Variants in CFAP299 observed in about 807,000 individuals in gnomAD.
CFAP299 encodes cilia and flagella associated protein 299, also known as cilia- and flagella-associated protein 299.
In CFAP299, 21 loss-of-function variants were observed where a neutral mutation model predicts 27.0. The observed-to-expected ratio is 0.78, with a 90% CI of 0.55 to 1.12. The LOEUF (loss-of-function observed/expected upper bound fraction) is 1.12. Ranked by LOEUF, CFAP299 falls within the 50% of genes most tolerant of loss-of-function variation. The pLI, the probability that CFAP299 is intolerant of heterozygous loss-of-function variation, is 0.00. For synonymous variants in CFAP299, 104 were observed against 98.1 expected (o/e 1.06, Z -0.36); for missense variants, 310 against 276.6 (o/e 1.12, Z -0.86).
At chr4:80,326,884 C>T in the CFAP299 span, among the ~76,000 whole-genome samples, 2 of 152,050 alleles carry the variant, frequency 1.3e-5, no homozygotes, top group Non-Finnish European at 2.9e-5. Context: ...TAAAGACTAT[C>T]AAATGATTGT....
At chr4:80,551,521 C>G (rs530114112) in intron 2 of CFAP299, among the ~76,000 whole-genome samples, 9 of 152,142 alleles carry the variant, frequency 5.9e-5, no homozygotes, top group African/African-American at 2.2e-4. Flanking sequence ...ATTGTTATTT[C>G]TAATTCATAT....
intron 4 of CFAP299, among the ~76,000 whole-genome samples, chr4:80,917,972 A>C (rs1478817756): frequency 6.6e-6 from 1 of 152,210 alleles, no homozygotes; most frequent in East Asian, 1.9e-4. Flanking sequence ...GAAATGATAT[A>C]GTTACCTGTC....
intron 2 of CFAP299, among the ~76,000 whole-genome samples, chr4:80,397,416 T>C (rs879402610): frequency 3.3e-5 from 5 of 152,154 alleles, no homozygotes; most frequent in Admixed American, 6.6e-5. Flanking sequence ...TTTCTTGCCT[T>C]GTGCTAGCTT....
chr4:80,326,665 G>A, the CFAP299 span, among the ~76,000 whole-genome samples: 4 of 152,072 alleles, frequency 2.6e-5, no homozygotes, highest in African/African-American at 9.7e-5. Context: ...GAGGCACTAA[G>A]TGCTTTGTTA....
intron 3 of CFAP299, among the ~76,000 whole-genome samples, chr4:80,645,233 T>G (rs1463992715): frequency 6.6e-6 from 1 of 152,152 alleles, no homozygotes; most frequent in African/African-American, 2.4e-5. Flanking sequence ...AGTAACTCCC[T>G]CTTTCTCATC....
At chr4:80,836,727 G>A (rs1220241267) in intron 3 of CFAP299, among the ~76,000 whole-genome samples, 1 of 152,082 alleles carries the variant, frequency 6.6e-6, no homozygotes, top group Non-Finnish European at 1.5e-5. Context: ...CTGGAGATTA[G>A]GATGCATATA....
At chr4:80,495,292 T>C (rs961347781) in intron 2 of CFAP299, among the ~76,000 whole-genome samples, 11 of 151,640 alleles carry the variant, frequency 7.3e-5, no homozygotes, top group South Asian at 4.2e-4. Flanking sequence ...AAAAAAGGTG[T>C]GTAGCAAGAA....
rs76254704 is a variant in CFAP299, at chr4:80,815,494, G to A, written c.334-54499G>A. 8.0e-3 allele frequency among the ~76,000 whole-genome samples: 1,223 copies of A among 152,066 alleles called. 16 individuals are homozygous for A. Among genetic ancestry groups the A allele is most frequent in the African/African-American group, 0.028 (1,181 of 41,528 alleles). ...AAGACAGAATATGACATTGAACACA[G>A]TAAACAGTGTTGAAAGTAGGAAGTA... On this transcript the variant is annotated intron_variant, in intron 3 of 5. Coordinates refer to ENST00000358105, the MANE Select transcript of CFAP299 (RefSeq NM_152770.3).
At chr4:80,373,105 C>T (rs1309924522) in intron 2 of CFAP299, among the ~76,000 whole-genome samples, 11 of 151,990 alleles carry the variant, frequency 7.2e-5, no homozygotes, top group Non-Finnish European at 1.6e-4. Flanking sequence ...GTCAATGATC[C>T]CTGAGTGGCT....
intron 2 of CFAP299, among the ~76,000 whole-genome samples, chr4:80,401,714 T>TC (rs1317740497): frequency 6.6e-6 from 1 of 152,100 alleles, no homozygotes; most frequent in East Asian, 1.9e-4. Context: ...CCCTACTGGG[T>TC]CACTGCCTAG....
At chr4:80,954,997 CAAAAAAAAAAAAAAAA>C (rs758937079) in intron 5 of CFAP299, among the ~76,000 whole-genome samples, 3 of 50,290 alleles carry the variant, frequency 6.0e-5, no homozygotes, top group African/African-American at 3.9e-4. Context: ...AAGACTCCAT[CAAAAAAAAAAAAAAAA>C]AAAAAAAAAA....
At chr4:80,521,579 A>G (rs935278389) in intron 2 of CFAP299, among the ~76,000 whole-genome samples, 9 of 152,080 alleles carry the variant, frequency 5.9e-5, no homozygotes, top group African/African-American at 2.2e-4. Flanking sequence ...ATCATCTTGT[A>G]TGACTGAAAC....
rs150541677 is a variant in CFAP299, at chr4:80,922,476, C to T, written c.477-22334C>T. On this transcript the variant is annotated intron_variant, in intron 4 of 5. Transcript: ENST00000358105. The stretch of plus-strand genomic sequence containing the variant: ...CAGACTCATTCTATGTCAATTATTG[C>T]TGTCCCAGATAAAAACCTCAAGGAC... Among the ~76,000 whole-genome samples, 490 of 152,156 alleles carry T rather than the reference C, an allele frequency of 3.2e-3. 4 individuals are homozygous for T. The highest frequency in any genetic ancestry group is 0.011 in the African/African-American group (457 of 41,564).
Position 80,583,592 on chromosome 4 carries a change from C to G in CFAP299, c.333+409C>G, listed in dbSNP as rs1578632851. Among the ~76,000 whole-genome samples, 3 of 151,844 alleles carry G rather than the reference C, an allele frequency of 2.0e-5. No individual in the cohort carries two copies. The South Asian group carries it at 6.2e-4, about 31-fold the overall frequency. On this transcript the variant is annotated intron_variant, in intron 3 of 5. Coordinates refer to ENST00000358105, the MANE Select transcript of CFAP299 (RefSeq NM_152770.3). ...ACCATAGTCTGCCTTTTAGTCCTACCTTGGAAGATGGGATACAAATCACGT... is the reference window on the plus strand; with the variant it reads ...ACCATAGTCTGCCTTTTAGTCCTACGTTGGAAGATGGGATACAAATCACGT...
chr4:80,700,226 T>C (rs1447673838), intron 3 of CFAP299, among the ~76,000 whole-genome samples: 1 of 152,100 alleles, frequency 6.6e-6, no homozygotes, highest in Admixed American at 6.6e-5. Flanking sequence ...TGACCTTGGG[T>C]AAGTTACTTA....
At chr4:80,823,269 G>A (rs1230574332) in intron 3 of CFAP299, among the ~76,000 whole-genome samples, 1 of 152,050 alleles carries the variant, frequency 6.6e-6, no homozygotes, top group East Asian at 1.9e-4. Context: ...CCTAGTTTAG[G>A]CCTTCACCTG....
chr4:80,608,313 C>T, intron 3 of CFAP299: 1 of 1,509,832 alleles, frequency 6.6e-7, no homozygotes, highest in Non-Finnish European at 8.9e-7. Context: ...AGTTGGATTT[C>T]CCCTTTTAAT....
intron 3 of CFAP299, among the ~76,000 whole-genome samples, chr4:80,867,300 C>T (rs993071171): frequency 4.6e-5 from 7 of 152,060 alleles, no homozygotes; most frequent in Admixed American, 4.6e-4. Flanking sequence ...TGGATAAAAA[C>T]TCTCCCGTAT....
At chr4:80,541,468 A>C (rs17004939) in intron 2 of CFAP299, among the ~76,000 whole-genome samples, 2,985 of 152,320 alleles carry the variant, frequency 0.02, 94 homozygotes, top group African/African-American at 0.066. Flanking sequence ...ATATCATTTT[A>C]TATAGGATTA....
Sources: allele counts gnomAD v4.1 joint callset (sites outside exome capture counted in the v4.1 genomes callset), GRCh38; gene constraint gnomAD v4.1.1; transcripts MANE v1.5; gene names NCBI Gene and HGNC (gene_info 2026-07-23, HGNC 2026-07-21).